The following L3MBTL4 variants were observed in gnomAD, a reference collection of about 807,000 sequenced individuals.
The protein encoded by L3MBTL4 is L3MBTL histone methyl-lysine binding protein 4.
In L3MBTL4, 70 loss-of-function variants were observed where a neutral mutation model predicts 84.5. That is an observed-to-expected ratio of 0.83 (90% CI 0.68 to 1.01). The LOEUF is 1.01. Among genes scored for constraint, L3MBTL4 ranks in the 50% least tolerant of loss-of-function variants. The pLI is 0.00. For missense variants in L3MBTL4, 715 were observed against 754.8 expected, an observed-to-expected ratio of 0.95 and a Z score of 0.62; for synonymous variants, 274 against 259.8, an observed-to-expected ratio of 1.05 and a Z score of -0.52.
chr18:6,398,500 G>C (rs190467593), intron 1 of L3MBTL4, among the ~76,000 whole-genome samples: 4 of 152,204 alleles, frequency 2.6e-5, no homozygotes, highest in Admixed American at 6.5e-5. Context: ...GCCTCTCTGG[G>C]GAGCTGAGCT....
rs535467217 is a variant in L3MBTL4 at position 6,146,122 on chromosome 18, CAA to C, written c.1097-7828_1097-7827del. Among the ~76,000 whole-genome samples, 24 of 152,324 alleles carry C rather than the reference CAA, an allele frequency of 1.6e-4. No individual in the cohort carries two copies. In the South Asian group the frequency reaches 4.8e-3, roughly 30 times the overall value. On this transcript the variant is annotated intron_variant, in intron 13 of 18. Coordinates refer to ENST00000317931, the MANE Select transcript of L3MBTL4 (RefSeq NM_001330559.2). ...TGGCGGGAGATGAGACGGCGTGGGC[CAA>C]AGAGTCTCTTGTTTATTCTGGGTTG...
intron 1 of L3MBTL4, among the ~76,000 whole-genome samples, chr18:6,321,265 A>G (rs1364282763): frequency 6.6e-6 from 1 of 152,254 alleles, no homozygotes; most frequent in Admixed American, 6.5e-5. Context: ...TGTACAGCAA[A>G]AGGCATAATC....
chr18:6,280,417 GA>G (rs751762341), intron 4 of L3MBTL4, among the ~76,000 whole-genome samples: 23 of 152,284 alleles, frequency 1.5e-4, no homozygotes, highest in Admixed American at 3.3e-4. Flanking sequence ...AATGTAACCA[GA>G]AAGTGCAATA....
At chr18:6,106,604 A>T (rs1180375184) in intron 14 of L3MBTL4, among the ~76,000 whole-genome samples, 3 of 152,210 alleles carry the variant, frequency 2.0e-5, no homozygotes, top group Non-Finnish European at 4.4e-5. Context: ...AGAAAAGAGA[A>T]GAAAATAGAG....
intron 1 of L3MBTL4, among the ~76,000 whole-genome samples, chr18:6,400,422 G>A (rs2055461908): frequency 6.6e-6 from 1 of 152,086 alleles, no homozygotes; most frequent in African/African-American, 2.4e-5. Flanking sequence ...GTGTGTTTTT[G>A]TTTTAGAGAC....
At chr18:6,011,665 G>C (rs1447793563) in intron 16 of L3MBTL4, among the ~76,000 whole-genome samples, 1 of 152,074 alleles carries the variant, frequency 6.6e-6, no homozygotes, top group Non-Finnish European at 1.5e-5. Flanking sequence ...CATACCCTTC[G>C]GTGCCTCTCC....
intron 13 of L3MBTL4, among the ~76,000 whole-genome samples, chr18:6,166,133 C>T (rs1425255102): frequency 6.6e-6 from 1 of 152,094 alleles, no homozygotes; most frequent in African/African-American, 2.4e-5. Flanking sequence ...AGCTAACTAT[C>T]CTAAATATAT....
rs57038716 is a variant in L3MBTL4, at chr18:6,147,621, G to A, written c.1097-9325C>T. ...AATCTAACCATCTGCCTGACATAGGGATATGTTTAGAAATGTGGTAAATTC... is the reference window on the plus strand; with the variant it reads ...AATCTAACCATCTGCCTGACATAGGAATATGTTTAGAAATGTGGTAAATTC... On this transcript the variant is annotated intron_variant, in intron 13 of 18. Transcript: ENST00000317931. Among the ~76,000 whole-genome samples, 581 of 152,266 alleles carry A rather than the reference G, an allele frequency of 3.8e-3. 5 individuals carry two copies. Among genetic ancestry groups the A allele is most frequent in the African/African-American group, 0.013 (527 of 41,544 alleles).
chr18:6,329,509 A>G (rs2051914315), intron 1 of L3MBTL4, among the ~76,000 whole-genome samples: 1 of 151,966 alleles, frequency 6.6e-6, no homozygotes, highest in Non-Finnish European at 1.5e-5. Flanking sequence ...GTCTTTGTCC[A>G]TTTTCTGTTG....
intron 16 of L3MBTL4, among the ~76,000 whole-genome samples, chr18:5,974,469 C>T (rs1472969451): frequency 6.6e-6 from 1 of 152,126 alleles, no homozygotes; most frequent in Non-Finnish European, 1.5e-5. Flanking sequence ...TGATGAGATG[C>T]AAGTCCACTG....
chr18:6,136,281 T>A (rs2060026569), intron 14 of L3MBTL4, among the ~76,000 whole-genome samples: 1 of 152,128 alleles, frequency 6.6e-6, no homozygotes, highest in Non-Finnish European at 1.5e-5. Flanking sequence ...CCACTGCACA[T>A]GTGGACAGTC....
intron 4 of L3MBTL4, among the ~76,000 whole-genome samples, chr18:6,271,564 T>C (rs1199478710): frequency 6.6e-6 from 1 of 152,042 alleles, no homozygotes; most frequent in African/African-American, 2.4e-5. Flanking sequence ...TTCCGAGACG[T>C]TAAACTTTTG....
intron 16 of L3MBTL4, chr18:6,030,224 C>T (rs893234090): frequency 2.2e-6 from 2 of 911,308 alleles, no homozygotes; most frequent in Non-Finnish European, 1.3e-6. Flanking sequence ...AGGGAGGAAA[C>T]TGAAGGCTGA....
chr18:6,176,594 A>G (rs1426660393), intron 12 of L3MBTL4, among the ~76,000 whole-genome samples: 1 of 152,190 alleles, frequency 6.6e-6, no homozygotes, highest in Non-Finnish European at 1.5e-5. Flanking sequence ...AGCTAAAACT[A>G]CAAAACCCAA....
intron 16 of L3MBTL4, among the ~76,000 whole-genome samples, chr18:6,035,509 T>A (rs1463045879): frequency 6.6e-6 from 1 of 152,008 alleles, no homozygotes; most frequent in African/African-American, 2.4e-5. Context: ...TTGATCTATA[T>A]CTCTGTTTTG....
chr18:6,391,073 G>T (rs1222851601), intron 1 of L3MBTL4, among the ~76,000 whole-genome samples: 1 of 152,096 alleles, frequency 6.6e-6, no homozygotes, highest in East Asian at 1.9e-4. Flanking sequence ...GAACACAGAT[G>T]CAAAAATCTT....
intron 16 of L3MBTL4, among the ~76,000 whole-genome samples, chr18:6,051,880 T>C (rs2056855536): frequency 6.6e-6 from 1 of 152,192 alleles, no homozygotes; most frequent in African/African-American, 2.4e-5. Context: ...TGAGTGTTAA[T>C]AGTGGGGGAG....
chr18:6,355,023 G>C (rs1295031980), intron 1 of L3MBTL4, among the ~76,000 whole-genome samples: 2 of 152,162 alleles, frequency 1.3e-5, no homozygotes, highest in East Asian at 3.8e-4. Flanking sequence ...CCAAAATTTG[G>C]AAGCAACCTA....
At chr18:6,015,503 A>C (rs1220461948) in intron 16 of L3MBTL4, among the ~76,000 whole-genome samples, 2 of 152,254 alleles carry the variant, frequency 1.3e-5, no homozygotes, top group East Asian at 1.9e-4. Flanking sequence ...ATCTAGAACA[A>C]CACTTCCTTT....
Sources: gnomAD v4.1 joint callset for allele counts (sites outside exome capture counted in the v4.1 genomes callset) on GRCh38, gnomAD v4.1.1 for gene constraint, MANE v1.5 for transcripts, NCBI Gene and HGNC (gene_info 2026-07-23, HGNC 2026-07-21) for gene names.